The following KLHL29 variants were observed in gnomAD, a reference collection of about 807,000 sequenced individuals.
KLHL29 encodes kelch-like protein 29.
KLHL29 carries 21 observed loss-of-function variants against 80.4 expected under a neutral mutation model. The ratio of observed to expected loss-of-function variants is 0.26; its 90% confidence interval spans 0.19 to 0.38. The LOEUF (loss-of-function observed/expected upper bound fraction) is 0.38. KLHL29 is among the 10% of genes least tolerant of loss of function. KLHL29 has a pLI of 1.00. For synonymous variants in KLHL29, 511 were observed against 526.8 expected (o/e 0.97, Z 0.41); for missense variants, 867 against 1,223.9 (o/e 0.71, Z 4.35).
chr2:23,410,801 C>T (rs1009186086), intron 1 of KLHL29, among the ~76,000 whole-genome samples: 3 of 151,978 alleles, frequency 2.0e-5, no homozygotes, highest in South Asian at 2.1e-4. Flanking sequence ...ATAAAAGAGA[C>T]GTAAACACGG....
chr2:23,597,405 ATATTTTTTTTTT>A (rs1668453138), intron 3 of KLHL29, among the ~76,000 whole-genome samples: 1 of 28,696 alleles, frequency 3.5e-5, no homozygotes, highest in African/African-American at 1.3e-4. Context: ...ATATATATAT[ATATTTTTTTTTT>A]TTTTTTTTTT....
intron 3 of KLHL29, among the ~76,000 whole-genome samples, chr2:23,600,644 A>G (rs1668546583): frequency 6.6e-6 from 1 of 151,978 alleles, no homozygotes; most frequent in Non-Finnish European, 1.5e-5. Flanking sequence ...GCCTCTATCA[A>G]CTCCTGGATG....
intron 6 of KLHL29, chr2:23,689,319 C>G (rs778997542): frequency 6.6e-6 from 1 of 152,400 alleles, no homozygotes; most frequent in African/African-American, 2.4e-5. Flanking sequence ...CGATGCTCCA[C>G]GGCACCTGTG....
At chr2:23,613,860 A>G (rs1402016858) in intron 3 of KLHL29, among the ~76,000 whole-genome samples, 1 of 151,856 alleles carries the variant, frequency 6.6e-6, no homozygotes, top group Non-Finnish European at 1.5e-5. Flanking sequence ...AGGAAAATAA[A>G]TCTTGGGACT....
At chr2:23,605,792 C>T (rs1183755623) in intron 3 of KLHL29, among the ~76,000 whole-genome samples, 5 of 147,402 alleles carry the variant, frequency 3.4e-5, no homozygotes, top group African/African-American at 1.3e-4. Flanking sequence ...TTTTTTGAGA[C>T]AGGGTCTCAC....
At chr2:23,412,345 T>C (rs550193741) in intron 1 of KLHL29, among the ~76,000 whole-genome samples, 2 of 152,280 alleles carry the variant, frequency 1.3e-5, no homozygotes, top group East Asian at 1.9e-4. Context: ...GTGTTTATGA[T>C]TGCTTGACCA....
At chr2:23,486,795 C>T (rs1664942127) in intron 2 of KLHL29, among the ~76,000 whole-genome samples, 1 of 152,208 alleles carries the variant, frequency 6.6e-6, no homozygotes, top group Admixed American at 6.5e-5. Context: ...TAGGGCCCTG[C>T]TCAGGCCACA....
intron 5 of KLHL29, among the ~76,000 whole-genome samples, chr2:23,683,900 A>C (rs1050001270): frequency 2.6e-5 from 4 of 152,112 alleles, no homozygotes; most frequent in Non-Finnish European, 5.9e-5. Flanking sequence ...GTGAGTGTCT[A>C]ACATAAGGGA....
At chr2:23,698,557 T>TG (rs1424751756) in intron 11 of KLHL29, among the ~76,000 whole-genome samples, 1 of 116,636 alleles carries the variant, frequency 8.6e-6, no homozygotes, top group Non-Finnish European at 1.9e-5. Context: ...ATGAGATATA[T>TG]GGTGCATTAT....
chr2:23,596,017 AG>A lies in KLHL29; in HGVS notation c.285+33538del, dbSNP rs748848846. On this transcript the variant is annotated intron_variant, in intron 3 of 13. Transcript: ENST00000486442. The surrounding 1 kb of genome is among the most constrained non-coding windows in gnomAD (Gnocchi z 4.4). Reference sequence around the variant, plus strand: ...TTCACACTCCCCGTGGTTTGTCAGGAGGACACCGTTTTGTGGCATTGGGTCC... The same window carrying A: ...TTCACACTCCCCGTGGTTTGTCAGGAGACACCGTTTTGTGGCATTGGGTCC... Among the ~76,000 whole-genome samples, 1 of 152,206 alleles carries A rather than the reference AG, an allele frequency of 6.6e-6. No homozygotes were observed. The highest frequency in any genetic ancestry group is 1.9e-4 in the East Asian group (1 of 5,192).
At chr2:23,576,749 G>A (rs1572412133) in intron 3 of KLHL29, among the ~76,000 whole-genome samples, 1 of 152,336 alleles carries the variant, frequency 6.6e-6, no homozygotes, top group South Asian at 2.1e-4. Context: ...AATGGACTGT[G>A]CGTTTTTCCT....
intron 2 of KLHL29, among the ~76,000 whole-genome samples, chr2:23,557,162 A>T (rs1346579559): frequency 6.6e-6 from 1 of 152,194 alleles, no homozygotes; most frequent in East Asian, 1.9e-4. Flanking sequence ...CATCCATTCC[A>T]GGCCTCCTTC....
chr2:23,628,553 A>T (rs1388443847), intron 3 of KLHL29, among the ~76,000 whole-genome samples: 1 of 152,164 alleles, frequency 6.6e-6, no homozygotes, highest in Non-Finnish European at 1.5e-5. Context: ...TTGGGAGGCC[A>T]AGGTAGGAGG....
intron 2 of KLHL29, among the ~76,000 whole-genome samples, chr2:23,540,745 G>A (rs370890707): frequency 5.3e-5 from 8 of 152,216 alleles, no homozygotes; most frequent in Admixed American, 1.3e-4. Context: ...GTTGGACCTC[G>A]TCCATCCCTC....
chr2:23,431,800 AG>A, intron 1 of KLHL29, among the ~76,000 whole-genome samples: 2 of 150,588 alleles, frequency 1.3e-5, no homozygotes, highest in East Asian at 4.0e-4. Context: ...AGGCTGAGGC[AG>A]GAGAATGGCG....
At position 23,677,308 on chromosome 2, in the gene KLHL29, G is replaced by A. The variant is rs530618011; in HGVS notation, c.941-7091G>A. The stretch of plus-strand genomic sequence containing the variant: ...AGTGTCATCAGTTTGGAAACAGCAG[G>A]CTAGTGGGTGAGGTTGTAACTGTTC... On this transcript the variant is annotated intron_variant, in intron 5 of 13. Coordinates refer to ENST00000486442, the MANE Select transcript of KLHL29 (RefSeq NM_052920.2). 2.0e-3 allele frequency among the ~76,000 whole-genome samples: 310 copies of A among 152,314 alleles called. 1 individual carries two copies. Among genetic ancestry groups the A allele is most frequent in the Admixed American group, 2.9e-3 (44 of 15,302 alleles).
chr2:23,409,769 G>T (rs1363409664), intron 1 of KLHL29, among the ~76,000 whole-genome samples: 1 of 152,186 alleles, frequency 6.6e-6, no homozygotes, highest in Non-Finnish European at 1.5e-5. Flanking sequence ...GTCTAGTGGG[G>T]GAGACAGATG....
chr2:23,473,853 G>A (rs1201647481), intron 1 of KLHL29, among the ~76,000 whole-genome samples: 1 of 152,026 alleles, frequency 6.6e-6, no homozygotes, highest in East Asian at 1.9e-4. Flanking sequence ...CAGCCACAGT[G>A]GCTTCCTTGG....
intron 1 of KLHL29, among the ~76,000 whole-genome samples, chr2:23,429,791 A>G (rs1663119513): frequency 6.6e-6 from 1 of 152,084 alleles, no homozygotes; most frequent in African/African-American, 2.4e-5. Flanking sequence ...AATTTGGGAA[A>G]CAGATAGGAG....
Sources: allele counts gnomAD v4.1 joint callset (sites outside exome capture counted in the v4.1 genomes callset), GRCh38; gene constraint gnomAD v4.1.1; non-coding constraint Gnocchi (gnomAD v3.1); transcripts MANE v1.5; gene names NCBI Gene and HGNC (gene_info 2026-07-23, HGNC 2026-07-21).